Variants in SFMBT2 observed in about 807,000 individuals in gnomAD.
SFMBT2 encodes scm-like with four MBT domains protein 2.
In SFMBT2, 38 loss-of-function variants were observed where a neutral mutation model predicts 110.1. That is an observed-to-expected ratio of 0.35 (90% confidence interval 0.27 to 0.45). SFMBT2 has a LOEUF of 0.45. Ranked by LOEUF, SFMBT2 falls within the 20% of genes least tolerant of loss-of-function variation. SFMBT2 has a pLI of 1.00. For missense variants in SFMBT2, 1,011 were observed against 1,094.9 expected (o/e 0.92, Z 1.08); for synonymous variants, 425 against 425.4 (o/e 1.00, Z 0.01).
chr10:7,378,702 G>T (rs1298373939), intron 2 of SFMBT2, among the ~76,000 whole-genome samples: 1 of 148,956 alleles, frequency 6.7e-6, no homozygotes, highest in Admixed American at 6.7e-5. Flanking sequence ...TCGGGTGTGT[G>T]CATGGGTGTG....
intron 11 of SFMBT2, among the ~76,000 whole-genome samples, chr10:7,215,989 C>T (rs374752471): frequency 2.4e-4 from 37 of 152,318 alleles, no homozygotes; most frequent in Middle Eastern, 3.4e-3. Flanking sequence ...CATTCTCTCT[C>T]GGAAAATTCT....
chr10:7,320,232 C>G (rs754875550), intron 4 of SFMBT2, among the ~76,000 whole-genome samples: 46 of 152,216 alleles, frequency 3.0e-4, no homozygotes, highest in African/African-American at 1.1e-3. Context: ...TCCCATCAAA[C>G]GAGACGCCTG....
rs1845433611 is a variant in SFMBT2 at position 7,381,888 on chromosome 10, G to T, written c.11C>A (p.Thr4Asn). MES[T>N]LSASNMQDPS... ...GTCTTGCATATTGGAAGCTGACAAAGTGCTCTCCATGCCTGATGAGCAAGT... is the reference window on the plus strand; with the variant it reads ...GTCTTGCATATTGGAAGCTGACAAATTGCTCTCCATGCCTGATGAGCAAGT... Residue 4 changes from threonine (T) to asparagine (N), a missense_variant, in exon 2 of 21, where the codon ACT becomes AAT. Around this residue, in one of 2 missense-constraint regions of SFMBT2, gnomAD observed 979 missense variants for 1,016.1 expected, o/e 0.96. Transcript: ENST00000397167. The T allele has an allele frequency of 1.9e-6, 3 of 1,608,476 alleles. No individual in the cohort carries two copies. The highest frequency in any genetic ancestry group is 2.2e-5 in the East Asian group (1 of 44,780).
intron 2 of SFMBT2, among the ~76,000 whole-genome samples, chr10:7,372,753 G>A (rs984208490): frequency 4.6e-5 from 7 of 152,344 alleles, no homozygotes; most frequent in South Asian, 2.1e-4. Flanking sequence ...AGTCAGAGGC[G>A]TCAGCTCAGC....
Position 7,408,708 on chromosome 10 carries a change from G to A in SFMBT2, c.-52+2153C>T, listed in dbSNP as rs565738098. On this transcript the variant is annotated intron_variant, in intron 1 of 20. Transcript: ENST00000397167. The surrounding 1 kb of genome is among the most constrained non-coding windows in gnomAD (Gnocchi z 5.7). Reference sequence around the variant, plus strand: ...GGAACCCTGTTCCCGGCTAAGCTGCGTTCCCGCATTCCGGTGGCTCTCACC... The same window carrying A: ...GGAACCCTGTTCCCGGCTAAGCTGCATTCCCGCATTCCGGTGGCTCTCACC... The A allele has an allele frequency of 6.6e-6, 1 of 152,440 alleles. No homozygotes were observed. Among genetic ancestry groups the A allele is most frequent in the African/African-American group, 2.4e-5 (1 of 41,588 alleles). 9.4% of individuals were successfully genotyped at this position (152,440 alleles called of 1,614,324 possible).
intron 16 of SFMBT2, 69 bp from the exon 17 acceptor site, chr10:7,176,234 A>C: frequency 1.3e-6 from 2 of 1,487,650 alleles, no homozygotes; most frequent in Non-Finnish European, 1.9e-6. Flanking sequence ...TCTGTACCAC[A>C]CATTCCGAAG....
At chr10:7,381,541 C>A (rs183261090) in intron 2 of SFMBT2, among the ~76,000 whole-genome samples, 2 of 152,154 alleles carry the variant, frequency 1.3e-5, no homozygotes, top group African/African-American at 4.8e-5. Context: ...GATTTGTAGA[C>A]GTTTCCTGCC....
At chr10:7,212,652 C>G (rs1839387272) in intron 11 of SFMBT2, among the ~76,000 whole-genome samples, 1 of 152,168 alleles carries the variant, frequency 6.6e-6, no homozygotes, top group African/African-American at 2.4e-5. Flanking sequence ...TTGCCACCAT[C>G]CTATAAGAGA....
chr10:7,215,594 C>T, intron 11 of SFMBT2: 10 of 985,430 alleles, frequency 1.0e-5, no homozygotes, highest in Non-Finnish European at 1.1e-5. Flanking sequence ...CCTAGGCAAT[C>T]AGAACCTGGG....
intron 9 of SFMBT2, among the ~76,000 whole-genome samples, chr10:7,235,981 G>A (rs1292851487): frequency 6.6e-6 from 1 of 152,028 alleles, no homozygotes; most frequent in Non-Finnish European, 1.5e-5. Context: ...AGGTTTATAA[G>A]ACAGTTTTCC....
chr10:7,322,888 G>A (rs1440720859), intron 4 of SFMBT2, among the ~76,000 whole-genome samples: 1 of 152,186 alleles, frequency 6.6e-6, no homozygotes. Flanking sequence ...GATAACCACT[G>A]TGGAAAATGA....
intron 4 of SFMBT2, among the ~76,000 whole-genome samples, chr10:7,362,971 C>T (rs558524299): frequency 1.3e-5 from 2 of 152,330 alleles, no homozygotes; most frequent in South Asian, 2.1e-4. Flanking sequence ...ACCCTCCTTC[C>T]TTTCTTCCTT....
intron 7 of SFMBT2, among the ~76,000 whole-genome samples, chr10:7,265,751 G>A (rs1279492193): frequency 1.3e-5 from 2 of 152,146 alleles, no homozygotes; most frequent in African/African-American, 4.8e-5. Flanking sequence ...TTATAGTGAT[G>A]ACCTCTCCTA....
intron 4 of SFMBT2, among the ~76,000 whole-genome samples, chr10:7,313,922 T>C (rs1244472722): frequency 2.6e-5 from 4 of 152,256 alleles, no homozygotes; most frequent in Non-Finnish European, 5.9e-5. Flanking sequence ...TCTAGATACA[T>C]GCACAGCTTT....
intron 4 of SFMBT2, among the ~76,000 whole-genome samples, chr10:7,290,890 A>G (rs1842243560): frequency 6.6e-6 from 1 of 152,242 alleles, no homozygotes; most frequent in Non-Finnish European, 1.5e-5. Context: ...ATATAAAGGC[A>G]GAAGATTAGC....
intron 7 of SFMBT2, among the ~76,000 whole-genome samples, chr10:7,266,560 A>C (rs1011319284): frequency 6.6e-6 from 1 of 152,178 alleles, no homozygotes; most frequent in Admixed American, 6.5e-5. Flanking sequence ...AGGTACGTGA[A>C]GCCTCCAGCA....
intron 4 of SFMBT2, among the ~76,000 whole-genome samples, chr10:7,309,691 T>C (rs1219324336): frequency 6.6e-6 from 1 of 152,278 alleles, no homozygotes; most frequent in Non-Finnish European, 1.5e-5. Context: ...CCCTACTACA[T>C]TTTTATAAGG....
At chr10:7,366,325 A>G (rs1844897533) in intron 4 of SFMBT2, among the ~76,000 whole-genome samples, 1 of 152,072 alleles carries the variant, frequency 6.6e-6, no homozygotes, top group Non-Finnish European at 1.5e-5. Context: ...TCTTAACTCC[A>G]GCCATTTTAT....
chr10:7,335,620 C>CACACACAA (rs1554806117), intron 4 of SFMBT2, among the ~76,000 whole-genome samples: 2 of 150,864 alleles, frequency 1.3e-5, no homozygotes, highest in Admixed American at 6.6e-5. Context: ...CACACACACA[C>CACACACAA]AACCATATAC....
Sources: allele counts gnomAD v4.1 joint callset (sites outside exome capture counted in the v4.1 genomes callset), GRCh38; gene constraint gnomAD v4.1.1; regional missense constraint gnomAD v4.1.1; non-coding constraint Gnocchi (gnomAD v3.1); transcripts MANE v1.5; gene names NCBI Gene and HGNC (gene_info 2026-07-23, HGNC 2026-07-21).